The following SEPTIN14 variants were observed in gnomAD, a reference collection of about 807,000 sequenced individuals.
SEPTIN14 encodes the protein septin-14.
A neutral mutation model predicts 53.6 loss-of-function variants in SEPTIN14; 40 were observed. The observed-to-expected ratio is 0.75, with a 90% CI of 0.58 to 0.97. The LOEUF (loss-of-function observed/expected upper bound fraction) is 0.97. SEPTIN14 is among the 50% of genes least tolerant of loss of function. SEPTIN14 has a pLI of 0.00. For missense variants in SEPTIN14, 471 were observed against 508.2 expected (o/e 0.93, Z 0.70); for synonymous variants, 138 against 166.8 (o/e 0.83, Z 1.33).
intron 6 of SEPTIN14, among the ~76,000 whole-genome samples, chr7:55,827,713 T>C (rs1364606219): frequency 6.6e-6 from 1 of 152,182 alleles, no homozygotes; most frequent in Admixed American, 6.5e-5. Flanking sequence ...GACCAGCCTA[T>C]CACCTGAAAC....
chr7:55,806,138 C>T (rs992414103), intron 8 of SEPTIN14, among the ~76,000 whole-genome samples: 2 of 151,302 alleles, frequency 1.3e-5, no homozygotes, highest in Admixed American at 6.6e-5. Flanking sequence ...ACTGGGATTA[C>T]GGGCACCCGC....
At position 55,806,839 on chromosome 7, in the gene SEPTIN14, A is replaced by G. The variant is rs756377742; in HGVS notation, c.986+251T>C. Among the ~76,000 whole-genome samples, 136 of 152,190 alleles carry G rather than the reference A, an allele frequency of 8.9e-4. 2 individuals are homozygous for G. Among genetic ancestry groups the G allele is most frequent in the Non-Finnish European group, 3.7e-4 (25 of 68,036 alleles). ...GAACAAAATACTGGGTTTTTTCATC[A>G]ATATACATTTCAGCATATATACATA... is the stretch of plus-strand genomic sequence containing the variant. On this transcript the variant is annotated intron_variant, in intron 8 of 9. Transcript: ENST00000388975.
chr7:55,814,889 A>T (rs1186936467), intron 7 of SEPTIN14, among the ~76,000 whole-genome samples: 1 of 152,228 alleles, frequency 6.6e-6, no homozygotes, highest in Non-Finnish European at 1.5e-5. Context: ...CTGACTTCGA[A>T]TTATACTACA....
rs2115936553 is a variant in SEPTIN14, at chr7:55,794,492, T to C, written c.*1421A>G. On this transcript the variant is annotated 3_prime_UTR_variant, in exon 10 of 10. Transcript: ENST00000388975. ...AATTGCTGCTATGCGTCAGACATTTTTCTAGGCCTAGGAATGGATACATAA... is the reference window on the plus strand; with the variant it reads ...AATTGCTGCTATGCGTCAGACATTTCTCTAGGCCTAGGAATGGATACATAA... The C allele has an allele frequency of 6.6e-6, 1 of 152,332 alleles. No homozygotes were observed. The highest frequency in any genetic ancestry group is 1.5e-5 in the Non-Finnish European group (1 of 68,030). 9.4% of individuals were successfully genotyped at this position (152,332 alleles called of 1,614,324 possible).
intron 6 of SEPTIN14, among the ~76,000 whole-genome samples, chr7:55,827,748 A>AAAG (rs1376354972): frequency 5.9e-5 from 9 of 152,222 alleles, no homozygotes; most frequent in Middle Eastern, 3.2e-3. Context: ...CACAGTAAAC[A>AAAG]AAGATCAAAC....
intron 5 of SEPTIN14, among the ~76,000 whole-genome samples, chr7:55,835,641 T>C (rs1354403867): frequency 2.0e-5 from 3 of 152,240 alleles, no homozygotes; most frequent in Non-Finnish European, 1.5e-5. Flanking sequence ...TCTTAATTAA[T>C]GTCCCATTTT....
intron 5 of SEPTIN14, among the ~76,000 whole-genome samples, chr7:55,835,435 C>T (rs928783056): frequency 2.0e-5 from 3 of 152,032 alleles, no homozygotes; most frequent in Non-Finnish European, 4.4e-5. Context: ...ATCTCCTGAC[C>T]TCGTGATCCG....
At chr7:55,807,799 T>G (rs899220692) in intron 7 of SEPTIN14, among the ~76,000 whole-genome samples, 1 of 152,028 alleles carries the variant, frequency 6.6e-6, no homozygotes, top group Non-Finnish European at 1.5e-5. Flanking sequence ...AGACTGACAG[T>G]GAAGACACGG....
intron 9 of SEPTIN14, among the ~76,000 whole-genome samples, chr7:55,799,517 T>TAAAA (rs1180866283): frequency 1.8e-5 from 1 of 54,212 alleles, no homozygotes; most frequent in African/African-American, 1.1e-4. Flanking sequence ...GACTCTTGTC[T>TAAAA]CAAAAAAAAA....
chr7:55,798,667 C>G, intron 9 of SEPTIN14: 1 of 302,328 alleles, frequency 3.3e-6, no homozygotes, highest in Non-Finnish European at 6.6e-6. Context: ...CAGGCTCTGG[C>G]AGGGCCCACC....
chr7:55,807,304 C>G (rs771506401), intron 7 of SEPTIN14, 46 bp from the exon 8 acceptor site: 9 of 1,263,502 alleles, frequency 7.1e-6, no homozygotes, highest in Non-Finnish European at 7.7e-6. Flanking sequence ...GTATCAATCC[C>G]TGACAATCAG....
At chr7:55,853,913 G>T (rs985921335) in intron 2 of SEPTIN14, among the ~76,000 whole-genome samples, 6 of 152,066 alleles carry the variant, frequency 3.9e-5, no homozygotes, top group Non-Finnish European at 5.9e-5. Context: ...TCAGGAGTTC[G>T]AGACCAATCT....
At chr7:55,800,579 C>A (rs1286256619) in intron 9 of SEPTIN14, among the ~76,000 whole-genome samples, 1 of 151,554 alleles carries the variant, frequency 6.6e-6, no homozygotes, top group African/African-American at 2.4e-5. Context: ...AGCTGAGATC[C>A]CACAGCCGCA....
intron 6 of SEPTIN14, among the ~76,000 whole-genome samples, chr7:55,829,158 T>C (rs1789045859): frequency 6.6e-6 from 1 of 151,724 alleles, no homozygotes; most frequent in Non-Finnish European, 1.5e-5. Context: ...ACAGGTGGAT[T>C]GCCTGAGCTC....
intron 6 of SEPTIN14, among the ~76,000 whole-genome samples, chr7:55,822,091 A>C (rs1788905660): frequency 3.9e-5 from 6 of 152,156 alleles, no homozygotes; most frequent in Admixed American, 3.9e-4. Context: ...CCCATAATTC[A>C]ATTACCTTCC....
intron 7 of SEPTIN14, chr7:55,811,408 C>A: frequency 2.1e-6 from 1 of 475,188 alleles, no homozygotes; most frequent in Non-Finnish European, 4.3e-6. Flanking sequence ...TTTCTAGGAG[C>A]CATGGTGTTG....
chr7:55,859,194 T>C (rs774135118), intron 2 of SEPTIN14, among the ~76,000 whole-genome samples: 2 of 152,010 alleles, frequency 1.3e-5, no homozygotes, highest in Non-Finnish European at 2.9e-5. Flanking sequence ...GTCCAGGACA[T>C]TTTCCCCTAT....
At chr7:55,814,051 G>A (rs1002957231) in intron 7 of SEPTIN14, among the ~76,000 whole-genome samples, 51 of 152,254 alleles carry the variant, frequency 3.3e-4, no homozygotes, top group African/African-American at 1.1e-3. Context: ...GACTCCTTCT[G>A]TTTGGGAGAA....
At chr7:55,848,410 C>T (rs576473965) in intron 2 of SEPTIN14, among the ~76,000 whole-genome samples, 2 of 152,116 alleles carry the variant, frequency 1.3e-5, no homozygotes, top group African/African-American at 2.4e-5. Flanking sequence ...GATGCGCCTG[C>T]CTCGGCCTTC....
Sources: allele counts gnomAD v4.1 joint callset (sites outside exome capture counted in the v4.1 genomes callset), GRCh38; gene constraint gnomAD v4.1.1; transcripts MANE v1.5; gene names NCBI Gene and HGNC (gene_info 2026-07-23, HGNC 2026-07-21).